Variants in CCDC91 observed in about 807,000 individuals in gnomAD.
CCDC91 encodes coiled-coil domain-containing protein 91.
Under a neutral mutation model 63.2 loss-of-function variants are expected in CCDC91, and 48 were observed. The observed-to-expected ratio is 0.76, with a 90% CI of 0.60 to 0.97. The LOEUF (loss-of-function observed/expected upper bound fraction) is 0.97, where lower values mean the gene tolerates loss of function less well. CCDC91 is among the 50% of genes least tolerant of loss of function. The pLI is 0.00. For synonymous variants in CCDC91, 167 were observed against 165.8 expected (o/e 1.01, Z -0.06); for missense variants, 500 against 494.6 (o/e 1.01, Z -0.10).
chr12:28,302,764 A>G, intron 3 of CCDC91: 1 of 313,018 alleles, frequency 3.2e-6, no homozygotes, highest in Non-Finnish European at 4.6e-6. Flanking sequence ...ATGATGGGCA[A>G]GCTTGGTATA....
chr12:28,401,580 G>T (rs565932602), intron 8 of CCDC91, among the ~76,000 whole-genome samples: 1 of 152,086 alleles, frequency 6.6e-6, no homozygotes, highest in Non-Finnish European at 1.5e-5. Flanking sequence ...GAAGAGGGAA[G>T]CCTCTTATAA....
chr12:28,261,356 A>G (rs75681462), intron 3 of CCDC91, among the ~76,000 whole-genome samples: 2,201 of 152,134 alleles, frequency 0.014, 15 homozygotes, highest in African/African-American at 0.026. Context: ...GTACATAGAT[A>G]GAATAAGGCT....
intron 3 of CCDC91, among the ~76,000 whole-genome samples, chr12:28,278,572 G>A (rs979907747): frequency 6.6e-6 from 1 of 152,042 alleles, no homozygotes; most frequent in African/African-American, 2.4e-5. Flanking sequence ...ATAACTACCT[G>A]TATAAGTCTT....
At chr12:28,385,608 T>G (rs1945549978) in intron 7 of CCDC91, among the ~76,000 whole-genome samples, 2 of 152,208 alleles carry the variant, frequency 1.3e-5, no homozygotes, top group South Asian at 4.1e-4. Context: ...CAATATAATT[T>G]AATTATTGTT....
At chr12:28,355,616 A>T (rs1332035645) in intron 6 of CCDC91, among the ~76,000 whole-genome samples, 1 of 152,156 alleles carries the variant, frequency 6.6e-6, no homozygotes, top group Non-Finnish European at 1.5e-5. Flanking sequence ...TTAGACATGG[A>T]TATAAAATTG....
At chr12:28,300,884 CCATTA>C (rs1938002204) in intron 3 of CCDC91, among the ~76,000 whole-genome samples, 1 of 151,542 alleles carries the variant, frequency 6.6e-6, no homozygotes, top group South Asian at 2.1e-4. Context: ...ATTTTCTTTA[CCATTA>C]CATTCTCTAA....
At chr12:28,509,138 T>C (rs1412836748) in intron 12 of CCDC91, among the ~76,000 whole-genome samples, 2 of 151,928 alleles carry the variant, frequency 1.3e-5, no homozygotes, top group Non-Finnish European at 2.9e-5. Context: ...TAGCATCCTC[T>C]CATGTAGTCT....
rs375024596 is a variant in CCDC91, at chr12:28,391,283, G to A, written c.655-21G>A. The A allele has an allele frequency of 1.1e-5, 17 of 1,488,252 alleles. No homozygotes were observed. In the African/African-American group the frequency reaches 2.1e-4, roughly 18 times the overall value. 92.2% of individuals were successfully genotyped at this position (1,488,252 alleles called of 1,614,324 possible). ...CCCAAGTTTTGTCTGTGATCCAAAT[G>A]ACTTTTTTGCTTGTTTTCAGGCACT... is the stretch of plus-strand genomic sequence containing the variant. On this transcript the variant is annotated intron_variant, in intron 7 of 12. Transcript: ENST00000536442.
intron 12 of CCDC91, among the ~76,000 whole-genome samples, chr12:28,515,598 ATAATCT>A (rs574034294): frequency 5.9e-5 from 9 of 152,050 alleles, no homozygotes; most frequent in Middle Eastern, 3.4e-3. Context: ...GTGATAAGTG[ATAATCT>A]TAAACAAGCT....
intron 7 of CCDC91, among the ~76,000 whole-genome samples, chr12:28,384,628 A>C (rs1478847433): frequency 6.6e-6 from 1 of 152,158 alleles, no homozygotes; most frequent in Non-Finnish European, 1.5e-5. Flanking sequence ...GTGACTGATA[A>C]AAATGAAATA....
chr12:28,490,714 A>C (rs1282268308), intron 12 of CCDC91, among the ~76,000 whole-genome samples: 1 of 151,870 alleles, frequency 6.6e-6, no homozygotes, highest in African/African-American at 2.4e-5. Context: ...AAACTTATTC[A>C]CTATTTCTCT....
At chr12:28,414,252 CA>C (rs1947501782) in intron 8 of CCDC91, among the ~76,000 whole-genome samples, 2 of 151,850 alleles carry the variant, frequency 1.3e-5, no homozygotes, top group African/African-American at 4.8e-5. Flanking sequence ...AAATGTGTAA[CA>C]ACATTTAAAA....
At chr12:28,404,730 T>G (rs116722156) in intron 8 of CCDC91, among the ~76,000 whole-genome samples, 1 of 152,106 alleles carries the variant, frequency 6.6e-6, no homozygotes, top group East Asian at 1.9e-4. Context: ...ATCAACACTT[T>G]TATTATTATA....
chr12:28,326,680 C>T (rs887446539), intron 6 of CCDC91, among the ~76,000 whole-genome samples: 3 of 151,304 alleles, frequency 2.0e-5, no homozygotes, highest in African/African-American at 7.3e-5. Flanking sequence ...ATTTTTAAAG[C>T]TATTTTCTGA....
At chr12:28,491,861 TTGTGTGTGTGTGTGTGTGTG>T (rs35451448) in intron 12 of CCDC91, among the ~76,000 whole-genome samples, 14 of 145,258 alleles carry the variant, frequency 9.6e-5, no homozygotes, top group Middle Eastern at 3.5e-3. Flanking sequence ...GTCAAAAATT[TTGTGTGTGTGTGTGTGTGTG>T]TGTGTGTGTG....
intron 12 of CCDC91, among the ~76,000 whole-genome samples, chr12:28,514,982 A>G (rs557796741): frequency 6.6e-6 from 1 of 151,858 alleles, no homozygotes; most frequent in Non-Finnish European, 1.5e-5. Context: ...AAGTTGACCT[A>G]TGTAACAAAT....
At chr12:28,410,653 C>G (rs1565929631) in intron 8 of CCDC91, among the ~76,000 whole-genome samples, 1 of 152,068 alleles carries the variant, frequency 6.6e-6, no homozygotes, top group Non-Finnish European at 1.5e-5. Context: ...TCCTGAGTAG[C>G]TGGGACTATA....
intron 8 of CCDC91, among the ~76,000 whole-genome samples, chr12:28,421,399 C>T (rs1487679520): frequency 2.0e-5 from 3 of 151,936 alleles, no homozygotes; most frequent in African/African-American, 4.8e-5. Flanking sequence ...TCTATTGTTC[C>T]CTTCTTTTTG....
At chr12:28,390,328 G>A (rs1592523748) in intron 7 of CCDC91, among the ~76,000 whole-genome samples, 1 of 151,484 alleles carries the variant, frequency 6.6e-6, no homozygotes, top group African/African-American at 2.4e-5. Flanking sequence ...ATATGCCAAC[G>A]GTCTGTTTTC....
Sources: gnomAD v4.1 joint callset for allele counts (sites outside exome capture counted in the v4.1 genomes callset) on GRCh38, gnomAD v4.1.1 for gene constraint, MANE v1.5 for transcripts, NCBI Gene and HGNC (gene_info 2026-07-23, HGNC 2026-07-21) for gene names.